Variants in BSN observed in about 807,000 individuals in gnomAD.
The protein encoded by BSN is bassoon presynaptic cytomatrix protein.
A neutral mutation model predicts 264.8 loss-of-function variants in BSN; 57 were observed. The ratio of observed to expected loss-of-function variants is 0.22; its 90% CI spans 0.17 to 0.27. The LOEUF is 0.27. Ranked by LOEUF, BSN falls within the 10% of genes least tolerant of loss-of-function variation. The pLI, the probability that BSN is intolerant of heterozygous loss-of-function variation, is 1.00. For synonymous variants in BSN, 2,059 were observed against 2,137.3 expected (o/e 0.96, Z 1.01); for missense variants, 4,615 against 5,232.5 (o/e 0.88, Z 3.64).
downstream of BSN, among the ~76,000 whole-genome samples, chr3:49,673,087 C>CTTTTTTTTTTTTTTTTTTTTTTTTTTTT (rs71080543): frequency 1.6e-4 from 7 of 43,216 alleles, 2 homozygotes; most frequent in South Asian, 1.1e-3. Flanking sequence ...CCGGCCGGGA[C>CTTTTTTTTTTTTTTTTTTTTTTTTTTTT]TTTTTTTTTT....
intron 1 of BSN, among the ~76,000 whole-genome samples, chr3:49,609,958 C>T (rs541285218): frequency 6.6e-6 from 1 of 152,304 alleles, no homozygotes; most frequent in East Asian, 1.9e-4. Flanking sequence ...CACCCGAGCC[C>T]GTGGGTCATT....
At chr3:49,572,602 C>T (rs779831595) in intron 1 of BSN, among the ~76,000 whole-genome samples, 27 of 152,254 alleles carry the variant, frequency 1.8e-4, no homozygotes, top group Non-Finnish European at 3.1e-4. Context: ...GGCGCGATCT[C>T]GGCTCACGGC....
rs1018910750 is a variant in BSN at position 49,654,923 on chromosome 3, G to A, written c.5367G>A (p.Gly1789=). The A allele has an allele frequency of 6.2e-7, 1 of 1,611,904 alleles. No homozygotes were observed. Among genetic ancestry groups the A allele is most frequent in the South Asian group, 1.1e-5 (1 of 90,932 alleles). ...QAVQTAPYRS[G]PRGRPREAKF... ...TCCAGACAGCCCCATACCGAAGTGG[G>A]CCCCGGGGAAGACCCAGGGAGGCCA... The change falls in exon 5 of 12, where the codon GGG becomes GGA. Residue 1789 remains glycine (G), a synonymous_variant. Transcript: ENST00000296452. This position sits in a 1 kb window ranked among gnomAD's most constrained non-coding sequence, Gnocchi z 4.1.
chr3:49,662,613 T>C lies in BSN; in HGVS notation c.10717+51T>C, dbSNP rs1332412956. The C allele has an allele frequency of 3.9e-6, 6 of 1,539,946 alleles. No individual in the cohort carries two copies. In the African/African-American group the frequency reaches 8.2e-5, roughly 21 times the overall value. ...GCGGATACTCAGCAGCTGGGGGGCC[T>C]GCCTACCTGTGGGGCCCTGGGCCCT... On this transcript the variant is annotated intron_variant, in intron 6 of 11. Transcript: ENST00000296452.
Position 49,652,717 on chromosome 3 carries a change from G to C in BSN, c.3161G>C (p.Arg1054Pro). 1 of 1,567,462 alleles carries C rather than the reference G, an allele frequency of 6.4e-7. No homozygotes were observed. Among genetic ancestry groups the C allele is most frequent in the Non-Finnish European group, 8.6e-7 (1 of 1,156,600 alleles). The change falls in exon 5 of 12, where the codon CGT becomes CCT. Residue 1054 changes from arginine (R) to proline (P), a missense_variant. Transcript: ENST00000296452. The stretch of plus-strand genomic sequence containing the variant: ...CTGCGGGAGGAAGAGGAGCTGCTTC[G>C]TGAGCAAGAGAAGATGCGGGAGGTG... ...EELREEEELL[R>P]EQEKMREVEQ...
intron 1 of BSN, among the ~76,000 whole-genome samples, chr3:49,578,163 C>T (rs1021862704): frequency 1.3e-4 from 20 of 152,116 alleles, no homozygotes; most frequent in Admixed American, 5.9e-4. Flanking sequence ...GCTGTAGGCT[C>T]GGCTATCCTT....
chr3:49,596,347 T>C (rs1057260110), intron 1 of BSN, among the ~76,000 whole-genome samples: 4 of 152,094 alleles, frequency 2.6e-5, no homozygotes, highest in African/African-American at 7.2e-5. Flanking sequence ...GAGCTTGCAG[T>C]GAGCCGAGAT....
At chr3:49,646,298 T>C (rs1458609679) in intron 3 of BSN, among the ~76,000 whole-genome samples, 5 of 152,362 alleles carry the variant, frequency 3.3e-5, no homozygotes, top group Middle Eastern at 3.4e-3. Context: ...CTGGCTTAAT[T>C]TTTAATTGAC....
At chr3:49,608,310 A>G (rs1426452404) in intron 1 of BSN, among the ~76,000 whole-genome samples, 2 of 152,174 alleles carry the variant, frequency 1.3e-5, no homozygotes, top group Admixed American at 1.3e-4. Flanking sequence ...ACCACCATCT[A>G]TGTACATTTT....
At chr3:49,577,192 G>T (rs1278431054) in intron 1 of BSN, among the ~76,000 whole-genome samples, 1 of 152,154 alleles carries the variant, frequency 6.6e-6, no homozygotes, top group African/African-American at 2.4e-5. Context: ...TCGCTATCTT[G>T]CTTGTTTCCC....
chr3:49,654,092 C>G lies in BSN; in HGVS notation c.4536C>G (p.Ala1512=). The change falls in exon 5 of 12, where the codon GCC becomes GCG. Residue 1512 remains alanine (A), a synonymous_variant. Transcript: ENST00000296452. This position sits in a 1 kb window ranked among gnomAD's most constrained non-coding sequence, Gnocchi z 4.1. ...TCTCTACACAGACGCCAAGTCCAGCCCCTGCCTCAGACATGCCACGGAGCC... is the reference window on the plus strand; with the variant it reads ...TCTCTACACAGACGCCAAGTCCAGCGCCTGCCTCAGACATGCCACGGAGCC... The part of the protein sequence containing the change: ...AEFSTQTPSP[A]PASDMPRSPG... The G allele has an allele frequency of 6.2e-7, 1 of 1,614,004 alleles. No individual in the cohort carries two copies. The highest frequency in any genetic ancestry group is 8.5e-7 in the Non-Finnish European group (1 of 1,180,016).
rs953615800 is a variant in BSN, at chr3:49,654,575, G to A, written c.5019G>A (p.Lys1673=). 1 of 1,611,726 alleles carries A rather than the reference G, an allele frequency of 6.2e-7. No homozygotes were observed. Among genetic ancestry groups the A allele is most frequent in the African/African-American group, 1.3e-5 (1 of 74,908 alleles). The change falls in exon 5 of 12, where the codon AAG becomes AAA. Residue 1673 remains lysine (K), a synonymous_variant. Transcript: ENST00000296452. This position sits in a 1 kb window ranked among gnomAD's most constrained non-coding sequence, Gnocchi z 4.1. The part of the protein sequence containing the change: ...TAVVDLRTAV[K]PTPIILTDQG... ...TGGTAGACCTCCGTACAGCTGTCAA[G>A]CCCACTCCCATCATCCTCACTGACC...
rs1484246547 is a variant in BSN at position 49,654,273 on chromosome 3, C to T, written c.4717C>T (p.His1573Tyr). 6.2e-7 allele frequency: 1 copy of T among 1,612,922 alleles called. No homozygotes were observed. Among genetic ancestry groups the T allele is most frequent in the East Asian group, 2.2e-5 (1 of 44,888 alleles). ...SDASSQTRMV[H>Y]ASASTSPLCS... ...CGCCTCCAGCCAGACCAGGATGGTA[C>T]ATGCCAGTGCCTCCACCTCCCCGCT... The change falls in exon 5 of 12, where the codon CAT becomes TAT. Residue 1573 changes from histidine (H) to tyrosine (Y), a missense_variant. His to Tyr is a moderately conservative substitution (Grantham distance 83, BLOSUM62 2). Coordinates refer to ENST00000296452, the MANE Select transcript of BSN (RefSeq NM_003458.4). This position sits in a 1 kb window ranked among gnomAD's most constrained non-coding sequence, Gnocchi z 4.1.
intron 2 of BSN, among the ~76,000 whole-genome samples, chr3:49,634,086 T>TA: frequency 6.6e-6 from 1 of 152,216 alleles, no homozygotes; most frequent in Non-Finnish European, 1.5e-5. Context: ...CCCATGCCTG[T>TA]AGTCCCAGCT....
At chr3:49,576,145 TC>T (rs997481444) in intron 1 of BSN, among the ~76,000 whole-genome samples, 1 of 152,136 alleles carries the variant, frequency 6.6e-6, no homozygotes, top group Non-Finnish European at 1.5e-5. Flanking sequence ...TACTCCTGTG[TC>T]CCAGGTGAAT....
In BSN at chr3:49,657,114, G is replaced by A. The variant is rs766471015; in HGVS notation, c.7558G>A (p.Gly2520Arg). The A allele has an allele frequency of 8.7e-6, 14 of 1,612,354 alleles. No individual in the cohort carries two copies. The East Asian group carries it at 2.9e-4, about 33-fold the overall frequency. The change falls in exon 5 of 12, where the codon GGG (glycine) becomes AGG (arginine). Residue 2520 changes from glycine to arginine, a missense_variant. Gly to Arg is a moderately radical substitution (Grantham distance 125). Coordinates refer to ENST00000296452, the MANE Select transcript of BSN (RefSeq NM_003458.4). ...TGCCATGGCAGGGCCTGAAGGACTT[G>A]GGCAGCCTCGTGAGCCTGTGCTGCA... is the stretch of plus-strand genomic sequence containing the variant. ...FIAMAGPEGL[G>R]QPREPVLHRG...
intron 1 of BSN, among the ~76,000 whole-genome samples, chr3:49,567,823 A>G (rs565756468): frequency 1.1e-4 from 16 of 152,274 alleles, no homozygotes; most frequent in Admixed American, 7.9e-4. Context: ...CTACTTCACA[A>G]TGTCTGGAGT....
intron 1 of BSN, among the ~76,000 whole-genome samples, chr3:49,568,246 C>T (rs945190526): frequency 6.6e-6 from 1 of 152,168 alleles, no homozygotes; most frequent in Non-Finnish European, 1.5e-5. Context: ...TATATTCTGC[C>T]TCTAGTTGGA....
chr3:49,663,490 A>T lies in BSN; in HGVS notation c.11332A>T (p.Thr3778Ser), dbSNP rs1204751538. ...TGGGGCAGCATCACGCCAGCCACAG[A>T]CACAGCAGCAGCAGCAAGGTCTTGG... ...PSGAASRQPQ[T>S]QQQQQGLGLQ... Residue 3778 changes from threonine (T) to serine (S), a missense_variant, in exon 7 of 12, where the codon ACA (threonine) becomes TCA (serine). Physicochemically the swap from Thr to Ser is moderately conservative, Grantham distance 58. Transcript: ENST00000296452. The T allele has an allele frequency of 6.2e-7, 1 of 1,613,084 alleles. No individual in the cohort carries two copies. Among genetic ancestry groups the T allele is most frequent in the African/African-American group, 1.3e-5 (1 of 74,942 alleles).
Sources: gnomAD v4.1 joint callset for allele counts (sites outside exome capture counted in the v4.1 genomes callset) on GRCh38, gnomAD v4.1.1 for gene constraint, Gnocchi (gnomAD v3.1) non-coding constraint, MANE v1.5 for transcripts, NCBI Gene and HGNC (gene_info 2026-07-23, HGNC 2026-07-21) for gene names.